Variants in PHAF1 observed in about 807,000 individuals in gnomAD.
PHAF1 encodes phagosome assembly factor 1.
Under a neutral mutation model 63.1 loss-of-function variants are expected in PHAF1, and 23 were observed. The ratio of observed to expected loss-of-function variants is 0.36; its 90% CI spans 0.26 to 0.52. The LOEUF is 0.52. Ranked by LOEUF, PHAF1 falls within the 20% of genes least tolerant of loss-of-function variation. The pLI is 0.93. For missense variants in PHAF1, 427 were observed against 517.2 expected, an observed-to-expected ratio of 0.83 and a Z score of 1.69; for synonymous variants, 167 against 185.0, an observed-to-expected ratio of 0.90 and a Z score of 0.79.
intron 6 of PHAF1, 67 bp downstream of exon 6, chr16:67,132,978 T>A (rs1338037854): frequency 7.6e-7 from 1 of 1,316,740 alleles, no homozygotes. Context: ...GATGGTGTCA[T>A]GGGATGGGAA....
chr16:67,121,164 C>G (rs1416367912), intron 2 of PHAF1, among the ~76,000 whole-genome samples: 1 of 151,536 alleles, frequency 6.6e-6, no homozygotes, highest in Non-Finnish European at 1.5e-5. Flanking sequence ...TATGACAGAA[C>G]AGGGGACTTG....
intron 6 of PHAF1, among the ~76,000 whole-genome samples, chr16:67,133,913 C>T (rs1963510537): frequency 6.6e-6 from 1 of 151,698 alleles, no homozygotes; most frequent in Non-Finnish European, 1.5e-5. Context: ...CCACTGTACT[C>T]CAACCTGGGT....
intron 1 of PHAF1, among the ~76,000 whole-genome samples, chr16:67,113,064 GTGT>G (rs1962583692): frequency 6.6e-6 from 1 of 152,182 alleles, no homozygotes; most frequent in Admixed American, 6.6e-5. Flanking sequence ...TGTAAGATAG[GTGT>G]TGTTATCTCT....
chr16:67,118,477 C>T (rs1259801728), intron 1 of PHAF1, among the ~76,000 whole-genome samples: 1 of 151,368 alleles, frequency 6.6e-6, no homozygotes, highest in East Asian at 2.0e-4. Flanking sequence ...GCTGGGACTA[C>T]AGGTGTGTGC....
intron 10 of PHAF1, among the ~76,000 whole-genome samples, chr16:67,143,415 G>A (rs1434419816): frequency 6.6e-6 from 1 of 152,124 alleles, no homozygotes; most frequent in Admixed American, 6.5e-5. Context: ...GTGTGCACCT[G>A]TATTCTCAAC....
Position 67,132,898 on chromosome 16 carries a change from C to T in PHAF1, c.437C>T (p.Ala146Val). 2 of 1,610,188 alleles carry T rather than the reference C, an allele frequency of 1.2e-6. No individual in the cohort carries two copies. Among genetic ancestry groups the T allele is most frequent in the Non-Finnish European group, 1.7e-6 (2 of 1,176,450 alleles). The part of the protein sequence containing the change: ...FSFQLDSWTE[A>V]PKYEPNFAHG... Reference sequence around the variant, plus strand: ...TTTCAGTTAGACTCATGGACTGAGGCTCCAAAGTATGAGGTTAGCCCTTCC... The same window carrying T: ...TTTCAGTTAGACTCATGGACTGAGGTTCCAAAGTATGAGGTTAGCCCTTCC... The change falls in exon 6 of 16, where the codon GCT becomes GTT. Residue 146 changes from alanine (A) to valine (V), a missense_variant. Physicochemically the swap from Ala to Val is moderately conservative, Grantham distance 64 (BLOSUM62 0). Coordinates refer to ENST00000219139, the MANE Select transcript of PHAF1 (RefSeq NM_025187.5).
At chr16:67,128,201 G>T (rs1963263197) in intron 3 of PHAF1, among the ~76,000 whole-genome samples, 1 of 152,204 alleles carries the variant, frequency 6.6e-6, no homozygotes, top group Non-Finnish European at 1.5e-5. Flanking sequence ...GCAATATGTG[G>T]TGGCTGACCA....
intron 3 of PHAF1, among the ~76,000 whole-genome samples, chr16:67,130,900 G>T (rs1226719520): frequency 1.3e-5 from 2 of 152,164 alleles, no homozygotes; most frequent in East Asian, 3.9e-4. Flanking sequence ...AAGAGGTTAT[G>T]CTGAAGGGGA....
At chr16:67,134,489 T>C (rs2145869665) in intron 8 of PHAF1, 22 bp downstream of exon 8, 1 of 1,570,212 alleles carries the variant, frequency 6.4e-7, no homozygotes, top group Non-Finnish European at 8.8e-7. Flanking sequence ...GCTTTGAGGT[T>C]GGTACATTCC....
At chr16:67,120,877 A>C (rs1962942292) in intron 2 of PHAF1, among the ~76,000 whole-genome samples, 1 of 152,174 alleles carries the variant, frequency 6.6e-6, no homozygotes, top group South Asian at 2.1e-4. Flanking sequence ...ATCCTAAAGC[A>C]AATGACAGCT....
chr16:67,122,385 G>A (rs975927845), intron 2 of PHAF1, among the ~76,000 whole-genome samples: 1 of 152,072 alleles, frequency 6.6e-6, no homozygotes, highest in East Asian at 1.9e-4. Flanking sequence ...GGCCGAGGCA[G>A]GAAGATTGCT....
At chr16:67,119,541 A>G (rs1342336202) in intron 1 of PHAF1, among the ~76,000 whole-genome samples, 3 of 149,798 alleles carry the variant, frequency 2.0e-5, no homozygotes, top group African/African-American at 7.4e-5. Flanking sequence ...TTTTTTTTAT[A>G]GACAGAGTTT....
rs764517594 is a variant in PHAF1 at position 67,132,532 on chromosome 16, CA to C, written c.355+9del. 1.9e-6 allele frequency: 3 copies of C among 1,612,470 alleles called. No individual in the cohort carries two copies. The African/African-American group carries it at 4.0e-5, about 22-fold the overall frequency. ...GGCGCAACCCATCCTGGAGGTAAGCCAAGTCCATCTGATTCCTCTGGTCATC... is the reference window on the plus strand; with the variant it reads ...GGCGCAACCCATCCTGGAGGTAAGCCAGTCCATCTGATTCCTCTGGTCATC... On this transcript the variant is annotated splice_region_variant and intron_variant, in intron 5 of 15. Coordinates refer to ENST00000219139, the MANE Select transcript of PHAF1 (RefSeq NM_025187.5).
chr16:67,115,251 G>T (rs1404141957), intron 1 of PHAF1, among the ~76,000 whole-genome samples: 1 of 152,234 alleles, frequency 6.6e-6, no homozygotes, highest in Non-Finnish European at 1.5e-5. Flanking sequence ...GACAGACAAG[G>T]TCCTACCTCT....
At chr16:67,141,953 C>T (rs1202247831) in intron 10 of PHAF1, among the ~76,000 whole-genome samples, 1 of 152,184 alleles carries the variant, frequency 6.6e-6, no homozygotes, top group Non-Finnish European at 1.5e-5. Flanking sequence ...ACACCTCTTT[C>T]AGTCCCACCA....
chr16:67,141,794 A>G (rs1388980072), intron 10 of PHAF1, among the ~76,000 whole-genome samples: 1 of 152,222 alleles, frequency 6.6e-6, no homozygotes, highest in Non-Finnish European at 1.5e-5. Flanking sequence ...GCTTGGGGAC[A>G]CCAAGAACCA....
chr16:67,115,386 C>G (rs1044632697), intron 1 of PHAF1, among the ~76,000 whole-genome samples: 2 of 152,208 alleles, frequency 1.3e-5, no homozygotes, highest in Admixed American at 6.5e-5. Flanking sequence ...TTGGGTAGAG[C>G]ATTCCAGATT....
At chr16:67,141,886 C>A (rs1189253142) in intron 10 of PHAF1, among the ~76,000 whole-genome samples, 1 of 152,206 alleles carries the variant, frequency 6.6e-6, no homozygotes, top group Non-Finnish European at 1.5e-5. Flanking sequence ...CAGCTCTTCT[C>A]TTCTTGTCAC....
intron 10 of PHAF1, among the ~76,000 whole-genome samples, chr16:67,141,832 C>A (rs1200188074): frequency 1.3e-5 from 2 of 152,238 alleles, no homozygotes; most frequent in Non-Finnish European, 2.9e-5. Flanking sequence ...GGTGTCACAG[C>A]TCTGGCTCGG....
Sources: gnomAD v4.1 joint callset for allele counts (sites outside exome capture counted in the v4.1 genomes callset) on GRCh38, gnomAD v4.1.1 for gene constraint, MANE v1.5 for transcripts, NCBI Gene and HGNC (gene_info 2026-07-23, HGNC 2026-07-21) for gene names.